Variants in DTNA observed in about 807,000 individuals in gnomAD.
The protein encoded by DTNA is dystrobrevin alpha, also known as dystrophin-related protein 3.
DTNA carries 43 observed loss-of-function variants against 100.7 expected under a neutral mutation model. The ratio of observed to expected loss-of-function variants is 0.43; its 90% CI spans 0.33 to 0.55. The LOEUF is 0.55. DTNA is among the 20% of genes least tolerant of loss of function. The probability of loss-of-function intolerance (pLI) is 0.04; values close to 1 mark genes in which losing one functional copy is unlikely to be tolerated. For missense variants in DTNA, 798 were observed against 953.9 expected (o/e 0.84, Z 2.15); for synonymous variants, 349 against 347.9 (o/e 1.00, Z -0.04).
intron 1 of DTNA, among the ~76,000 whole-genome samples, chr18:34,747,068 C>G (rs114347884): frequency 6.6e-6 from 1 of 150,410 alleles, no homozygotes; most frequent in Non-Finnish European, 1.5e-5. Context: ...TAAAGTTTGC[C>G]TCATTAGATA....
intron 1 of DTNA, among the ~76,000 whole-genome samples, chr18:34,517,566 A>G (rs1211089754): frequency 2.0e-5 from 3 of 151,760 alleles, no homozygotes; most frequent in African/African-American, 7.3e-5. Flanking sequence ...ACAGTTCCAT[A>G]GTGCTGCTCT....
At chr18:34,832,960 C>T (rs987141487) in intron 11 of DTNA, among the ~76,000 whole-genome samples, 3 of 151,964 alleles carry the variant, frequency 2.0e-5, no homozygotes, top group Non-Finnish European at 4.4e-5. Flanking sequence ...CTTCACAAAT[C>T]CAAATGTCAT....
intron 4 of DTNA, among the ~76,000 whole-genome samples, chr18:34,796,185 C>G (rs2094960739): frequency 6.6e-6 from 1 of 152,252 alleles, no homozygotes; most frequent in Non-Finnish European, 1.5e-5. Context: ...GCAGACACTT[C>G]TGCGTTTGCT....
chr18:34,833,661 A>T (rs894071372), intron 11 of DTNA, among the ~76,000 whole-genome samples: 3 of 152,200 alleles, frequency 2.0e-5, no homozygotes, highest in Non-Finnish European at 2.9e-5. Flanking sequence ...ATGTGAAAGG[A>T]TGTGCTCATA....
At chr18:34,708,482 G>C (rs2082389628), upstream of DTNA, among the ~76,000 whole-genome samples, 1 of 151,962 alleles carries the variant, frequency 6.6e-6, no homozygotes, top group African/African-American at 2.4e-5. Flanking sequence ...CATATTTAAA[G>C]ATGAAAAAAA....
At chr18:34,730,510 G>A (rs1242118542) in intron 1 of DTNA, among the ~76,000 whole-genome samples, 1 of 152,112 alleles carries the variant, frequency 6.6e-6, no homozygotes, top group Non-Finnish European at 1.5e-5. Context: ...AAAACTGAGG[G>A]AACATGGCAA....
At chr18:34,526,534 A>G (rs1029214043) in intron 1 of DTNA, among the ~76,000 whole-genome samples, 19 of 152,154 alleles carry the variant, frequency 1.2e-4, no homozygotes, top group Non-Finnish European at 1.3e-4. Flanking sequence ...CACATATTAC[A>G]CTAAGTATTA....
intron 1 of DTNA, among the ~76,000 whole-genome samples, chr18:34,606,210 C>A (rs974564298): frequency 1.3e-5 from 2 of 151,874 alleles, no homozygotes; most frequent in African/African-American, 4.8e-5. Flanking sequence ...ATTTTTTTTA[C>A]CTATTTCTTT....
At chr18:34,600,642 T>C (rs1444985189) in intron 1 of DTNA, among the ~76,000 whole-genome samples, 1 of 152,250 alleles carries the variant, frequency 6.6e-6, no homozygotes, top group East Asian at 1.9e-4. Context: ...AACCAAAAGA[T>C]ATTTAACACC....
At chr18:34,571,791 A>T (rs1318243093) in intron 1 of DTNA, among the ~76,000 whole-genome samples, 3 of 152,138 alleles carry the variant, frequency 2.0e-5, no homozygotes, top group Non-Finnish European at 2.9e-5. Flanking sequence ...AGCACAGCTG[A>T]TGCTTTTTCA....
At chr18:34,541,075 C>T (rs769240227) in intron 1 of DTNA, among the ~76,000 whole-genome samples, 6 of 152,012 alleles carry the variant, frequency 3.9e-5, no homozygotes, top group African/African-American at 7.2e-5. Flanking sequence ...TATTCTTCAG[C>T]GGTGAGAACA....
At chr18:34,539,578 T>G (rs2044052482) in intron 1 of DTNA, among the ~76,000 whole-genome samples, 1 of 151,968 alleles carries the variant, frequency 6.6e-6, no homozygotes, top group African/African-American at 2.4e-5. Flanking sequence ...ATGCTTGGGA[T>G]TCCATCTCTG....
intron 1 of DTNA, among the ~76,000 whole-genome samples, chr18:34,571,357 C>G (rs2047569386): frequency 6.6e-6 from 1 of 152,134 alleles, no homozygotes; most frequent in African/African-American, 2.4e-5. Context: ...TCCATTTTGC[C>G]AACTCTCATA....
At chr18:34,494,326 C>A (rs2038928598) in intron 1 of DTNA, among the ~76,000 whole-genome samples, 1 of 147,488 alleles carries the variant, frequency 6.8e-6, no homozygotes, top group African/African-American at 2.5e-5. Flanking sequence ...GGTGCCCGGG[C>A]CGATGCCTGG....
intron 1 of DTNA, among the ~76,000 whole-genome samples, chr18:34,579,789 T>A (rs1158971479): frequency 1.3e-5 from 2 of 152,164 alleles, no homozygotes; most frequent in Non-Finnish European, 2.9e-5. Context: ...GTTTGTTTAG[T>A]TGTTTGTTTT....
At chr18:34,629,283 G>A (rs563057091) in intron 1 of DTNA, among the ~76,000 whole-genome samples, 1 of 152,086 alleles carries the variant, frequency 6.6e-6, no homozygotes, top group South Asian at 2.1e-4. Context: ...TGGCTTAAAA[G>A]GTCTTTCAAC....
At chr18:34,529,597 A>G (rs1011021789) in intron 1 of DTNA, among the ~76,000 whole-genome samples, 19 of 152,168 alleles carry the variant, frequency 1.2e-4, no homozygotes, top group Admixed American at 3.9e-4. Context: ...ACTGCTACTG[A>G]CTAGGAAATG....
At chr18:34,864,561 A>C (rs540429395) in intron 17 of DTNA, among the ~76,000 whole-genome samples, 36 of 152,256 alleles carry the variant, frequency 2.4e-4, no homozygotes, top group Admixed American at 5.9e-4. Context: ...CCTAGAACAC[A>C]TTCTTATCCA....
chr18:34,538,206 A>T (rs544361244), intron 1 of DTNA, among the ~76,000 whole-genome samples: 23 of 152,208 alleles, frequency 1.5e-4, no homozygotes, highest in African/African-American at 5.5e-4. Context: ...TGCTAACCTA[A>T]CTATCAAATT....
Sources: gnomAD v4.1 joint callset for allele counts (sites outside exome capture counted in the v4.1 genomes callset) on GRCh38, gnomAD v4.1.1 for gene constraint, MANE v1.5 for transcripts, NCBI Gene and HGNC (gene_info 2026-07-23, HGNC 2026-07-21) for gene names.